The following CDH12 variants were observed in gnomAD, a reference collection of about 807,000 sequenced individuals.
CDH12 encodes cadherin 12.
In CDH12, 41 loss-of-function variants were observed where a neutral mutation model predicts 74.1. The observed-to-expected ratio is 0.55, with a 90% CI of 0.43 to 0.72. The LOEUF (loss-of-function observed/expected upper bound fraction) is 0.72, where lower values mean the gene tolerates loss of function less well. Ranked by LOEUF, CDH12 falls within the 30% of genes least tolerant of loss-of-function variation. CDH12 has a pLI of 0.00. For synonymous variants in CDH12, 399 were observed against 355.0 expected (o/e 1.12, Z -1.39); for missense variants, 945 against 977.2 (o/e 0.97, Z 0.44).
At chr5:22,503,388 T>A (rs953780958) in intron 2 of CDH12, among the ~76,000 whole-genome samples, 4 of 152,074 alleles carry the variant, frequency 2.6e-5, no homozygotes, top group Admixed American at 6.6e-5. Context: ...AAAAGAAAAC[T>A]GTCTTTCTTA....
intron 1 of CDH12, among the ~76,000 whole-genome samples, chr5:22,850,847 A>C (rs757141291): frequency 6.6e-6 from 1 of 152,078 alleles, no homozygotes; most frequent in Non-Finnish European, 1.5e-5. Context: ...CCATCACTCT[A>C]TGAATCCTCC....
At chr5:21,832,203 C>G (rs1749060246) in intron 8 of CDH12, among the ~76,000 whole-genome samples, 1 of 152,078 alleles carries the variant, frequency 6.6e-6, no homozygotes, top group Non-Finnish European at 1.5e-5. Flanking sequence ...ATGAAACAGC[C>G]ATGTTGCAAT....
Position 22,078,625 on chromosome 5 carries a change from C to G in CDH12, c.52G>C (p.Gly18Arg). Reference sequence around the variant, plus strand: ...TGTGGTTGTAGTGGTGTTAGGAGACCTCCATCAAACAGAACCCAGAGAAGC... The same window carrying G: ...TGTGGTTGTAGTGGTGTTAGGAGACGTCCATCAAACAGAACCCAGAGAAGC... ...SLLLWVLFDGGLLTPLQPQPQ... is the reference protein window; with the variant it reads ...SLLLWVLFDGRLLTPLQPQPQ... Residue 18 changes from glycine (G) to arginine (R), a missense_variant, in exon 5 of 15, where the codon GGT (glycine) becomes CGT (arginine). Physicochemically the swap from Gly to Arg is moderately radical, Grantham distance 125. Transcript: ENST00000382254. 1 of 1,613,792 alleles carries G rather than the reference C, an allele frequency of 6.2e-7. No homozygotes were observed.
At chr5:22,529,144 T>TAC (rs1561470377) in intron 1 of CDH12, among the ~76,000 whole-genome samples, 1 of 135,088 alleles carries the variant, frequency 7.4e-6, no homozygotes, top group Non-Finnish European at 1.7e-5. Context: ...TGCATATATA[T>TAC]ACACATATAT....
intron 1 of CDH12, among the ~76,000 whole-genome samples, chr5:22,819,207 G>T (rs1749543739): frequency 6.6e-6 from 1 of 152,066 alleles, no homozygotes; most frequent in Non-Finnish European, 1.5e-5. Flanking sequence ...GTTTTTCATT[G>T]TCATAGGACT....
chr5:22,617,863 C>T (rs1441194291), intron 1 of CDH12, among the ~76,000 whole-genome samples: 1 of 152,030 alleles, frequency 6.6e-6, no homozygotes, highest in Non-Finnish European at 1.5e-5. Flanking sequence ...GATTTTACAC[C>T]CACAGGAAAT....
chr5:22,714,227 G>A (rs910647608), intron 1 of CDH12, among the ~76,000 whole-genome samples: 2 of 152,126 alleles, frequency 1.3e-5, no homozygotes, highest in Admixed American at 1.3e-4. Context: ...TTGGGCACTT[G>A]ATTCTAACTA....
chr5:22,365,090 A>G (rs191163063), intron 3 of CDH12, among the ~76,000 whole-genome samples: 1 of 152,324 alleles, frequency 6.6e-6, no homozygotes, highest in East Asian at 1.9e-4. Context: ...TTCCTTTTAT[A>G]TCACACTGAG....
At chr5:22,530,276 T>A (rs1212897752) in intron 1 of CDH12, among the ~76,000 whole-genome samples, 3 of 152,166 alleles carry the variant, frequency 2.0e-5, no homozygotes, top group Non-Finnish European at 2.9e-5. Flanking sequence ...CTTTTCATTT[T>A]GTCCTAATTT....
At chr5:22,220,074 A>C (rs1751959351) in intron 3 of CDH12, among the ~76,000 whole-genome samples, 1 of 151,788 alleles carries the variant, frequency 6.6e-6, no homozygotes, top group African/African-American at 2.4e-5. Context: ...GGATGTTTCT[A>C]CTAAAAAGGT....
intron 6 of CDH12, among the ~76,000 whole-genome samples, chr5:21,958,292 G>A (rs547015638): frequency 1.3e-5 from 2 of 152,072 alleles, no homozygotes; most frequent in Admixed American, 6.5e-5. Context: ...TGTGAAAATG[G>A]ACTAATGAAG....
At chr5:22,446,206 CAGT>C (rs1345503868) in intron 2 of CDH12, among the ~76,000 whole-genome samples, 3 of 152,078 alleles carry the variant, frequency 2.0e-5, no homozygotes, top group African/African-American at 7.2e-5. Flanking sequence ...GTTCTCCAAG[CAGT>C]CACACCAAAG....
chr5:21,835,267 A>G (rs1316985952), intron 8 of CDH12, among the ~76,000 whole-genome samples: 1 of 151,938 alleles, frequency 6.6e-6, no homozygotes, highest in Non-Finnish European at 1.5e-5. Context: ...GACTATATGA[A>G]TATACCTATA....
At chr5:22,425,319 T>G (rs1743879553) in intron 2 of CDH12, among the ~76,000 whole-genome samples, 2 of 151,364 alleles carry the variant, frequency 1.3e-5, no homozygotes, top group South Asian at 4.1e-4. Flanking sequence ...GTTTACATTT[T>G]ATTTTGTTTA....
chr5:22,508,121 T>C (rs1033250251), intron 1 of CDH12, among the ~76,000 whole-genome samples: 9 of 152,186 alleles, frequency 5.9e-5, no homozygotes, highest in Non-Finnish European at 1.5e-5. Flanking sequence ...CAAAGACCCT[T>C]TCTTGTCATA....
At chr5:21,858,788 A>G in intron 6 of CDH12, among the ~76,000 whole-genome samples, 1 of 151,982 alleles carries the variant, frequency 6.6e-6, no homozygotes, top group East Asian at 1.9e-4. Flanking sequence ...AATTTTGTAA[A>G]ATTTCATTTA....
chr5:22,457,580 C>A (rs1442816851), intron 2 of CDH12, among the ~76,000 whole-genome samples: 1 of 150,836 alleles, frequency 6.6e-6, no homozygotes, highest in Non-Finnish European at 1.5e-5. Context: ...CTAACATGCC[C>A]AACTAATTTT....
At position 21,842,172 on chromosome 5, in the gene CDH12, C is replaced by T. The variant is rs945820536; in HGVS notation, c.803G>A (p.Arg268Gln). The change falls in exon 8 of 15, where the codon CGA becomes CAA. Residue 268 changes from arginine (R) to glutamine (Q), a missense_variant. Arg to Gln is a conservative substitution (Grantham distance 43). Transcript: ENST00000382254. ...GAAAGGTGACATACTTTTGGGGAAT[C>T]GAGGTGGATTGTCATTGACATCGGT... ...TLTDVNDNPP[R>Q]FPKSIFHLKV... 2.5e-6 allele frequency: 4 copies of T among 1,607,186 alleles called. No individual in the cohort carries two copies. The highest frequency in any genetic ancestry group is 4.5e-5 in the East Asian group (2 of 44,664).
chr5:22,561,413 T>C (rs974250072), intron 1 of CDH12, among the ~76,000 whole-genome samples: 1 of 152,180 alleles, frequency 6.6e-6, no homozygotes, highest in African/African-American at 2.4e-5. Context: ...TTCATTATAA[T>C]TTAATTTGAA....
Sources: gnomAD v4.1 joint callset for allele counts (sites outside exome capture counted in the v4.1 genomes callset) on GRCh38, gnomAD v4.1.1 for gene constraint, MANE v1.5 for transcripts, NCBI Gene and HGNC (gene_info 2026-07-23, HGNC 2026-07-21) for gene names.